The following ATP6V1G2 variants were observed in gnomAD, a reference collection of about 807,000 sequenced individuals.
ATP6V1G2 encodes ATPase H+ transporting V1 subunit G2.
A neutral mutation model predicts 17.8 loss-of-function variants in ATP6V1G2; 14 were observed. That is an observed-to-expected ratio of 0.79 (90% CI 0.52 to 1.23). The LOEUF (loss-of-function observed/expected upper bound fraction) is 1.23, where lower values mean the gene tolerates loss of function less well. Among genes scored for constraint, ATP6V1G2 ranks in the 50% most tolerant of loss-of-function variants. The pLI, the probability that ATP6V1G2 is intolerant of heterozygous loss-of-function variation, is 0.00. For missense variants in ATP6V1G2, 112 were observed against 152.2 expected (o/e 0.74, Z 1.39); for synonymous variants, 57 against 54.8 (o/e 1.04, Z -0.17).
chr6:31,546,513 T>C lies in ATP6V1G2; in HGVS notation c.47A>G (p.Lys16Arg). 6.2e-7 allele frequency: 1 copy of C among 1,614,116 alleles called. No homozygotes were observed. The highest frequency in any genetic ancestry group is 1.1e-5 in the South Asian group (1 of 91,076). ...QGIQQLLQAE[K>R]RAAEKVADAR... is the part of the protein sequence containing the mutation. The stretch of plus-strand genomic sequence containing the variant: ...ATCTGCCACCTTCTCAGCTGCCCGC[T>C]TCTCAGCTTGCAGAAGCTGCTGGAT... Residue 16 changes from lysine (K) to arginine (R), a missense_variant, in exon 1 of 3, where the codon AAG becomes AGG. Lys to Arg is a conservative substitution (Grantham distance 26). Transcript: ENST00000303892. This position sits in a 1 kb window ranked among gnomAD's most constrained non-coding sequence, Gnocchi z 4.1.
Position 31,546,413 on chromosome 6 carries a change from A to C in ATP6V1G2, c.82+65T>G. Reference sequence around the variant, plus strand: ...CCCGCCAGCCTTGGGTTTTCCCAAAATGTTTGCTGTCCCCCACCCCCAATT... The same window carrying C: ...CCCGCCAGCCTTGGGTTTTCCCAAACTGTTTGCTGTCCCCCACCCCCAATT... On this transcript the variant is annotated intron_variant, in intron 1 of 2. Transcript: ENST00000303892. This position sits in a 1 kb window ranked among gnomAD's most constrained non-coding sequence, Gnocchi z 4.1. The C allele has an allele frequency of 6.5e-7, 1 of 1,533,556 alleles. No homozygotes were observed. Among genetic ancestry groups the C allele is most frequent in the Non-Finnish European group, 9.0e-7 (1 of 1,116,774 alleles). 95.0% of individuals were successfully genotyped at this position (1,533,556 alleles called of 1,614,324 possible). A position where few individuals can be genotyped will look rare whatever the true frequency, so the allele number is the denominator to read the frequency against.
At chr6:31,546,715 G>T (rs911676163), upstream of ATP6V1G2, 1 of 644,454 alleles carries the variant, frequency 1.6e-6, no homozygotes, top group East Asian at 2.7e-5. The surrounding 1 kb of genome is among the most constrained non-coding windows in gnomAD (Gnocchi z 4.1). Flanking sequence ...CCTGCACCGA[G>T]TGTCTCTCCC....
upstream of ATP6V1G2, chr6:31,546,739 T>G: frequency 1.6e-6 from 1 of 607,446 alleles, no homozygotes; most frequent in Non-Finnish European, 2.9e-6. The surrounding 1 kb of genome is among the most constrained non-coding windows in gnomAD (Gnocchi z 4.1). Flanking sequence ...CTCATCCTCC[T>G]ATTGATGACT....
At position 31,546,562 on chromosome 6, in the gene ATP6V1G2, CTGT is replaced by C; in HGVS notation, c.-6_-4del. 1.2e-6 allele frequency: 2 copies of C among 1,613,608 alleles called. No individual in the cohort carries two copies. Among genetic ancestry groups the C allele is most frequent in the African/African-American group, 1.3e-5 (1 of 75,028 alleles). ...ATACCTTGGGACTGACTGGCCATTT[CTGT>C]TGTTATGGCCGATGCTGTTTTGAAT... is the stretch of plus-strand genomic sequence containing the variant. On this transcript the variant is annotated 5_prime_UTR_variant, in exon 1 of 3. Coordinates refer to ENST00000303892, the MANE Select transcript of ATP6V1G2 (RefSeq NM_130463.4). This position sits in a 1 kb window ranked among gnomAD's most constrained non-coding sequence, Gnocchi z 4.1.
In ATP6V1G2 at chr6:31,545,448, A is replaced by T. The variant is rs1221997326; in HGVS notation, c.317T>A (p.Val106Asp). The change falls in exon 3 of 3, where the codon GTC becomes GAC. Residue 106 changes from valine (V) to aspartate (D), a missense_variant. Transcript: ENST00000303892. This position sits in a 1 kb window ranked among gnomAD's most constrained non-coding sequence, Gnocchi z 4.9. ...LAQLLGMVCD[V>D]RPQVHPNYRI... ...GTAGTTGGGGTGGACCTGGGGCCTG[A>T]CGTCGCAGACCATGCCAAGAAGCTG... The T allele has an allele frequency of 3.7e-6, 6 of 1,614,024 alleles. No individual in the cohort carries two copies. Among genetic ancestry groups the T allele is most frequent in the African/African-American group, 1.3e-5 (1 of 75,034 alleles).
Position 31,545,872 on chromosome 6 carries a change from G to A in ATP6V1G2, c.183+237C>T, listed in dbSNP as rs564462044. On this transcript the variant is annotated intron_variant, in intron 2 of 2. Transcript: ENST00000303892. This position sits in a 1 kb window ranked among gnomAD's most constrained non-coding sequence, Gnocchi z 4.9. ...ACAAATGTTAATCATACTCCACATA[G>A]ATGTTATACTTTACACAGACTGTGG... The A allele has an allele frequency of 8.2e-6, 5 of 613,336 alleles. No individual in the cohort carries two copies. Among genetic ancestry groups the A allele is most frequent in the African/African-American group, 7.4e-5 (4 of 54,180 alleles). 38.0% of individuals were successfully genotyped at this position (613,336 alleles called of 1,614,324 possible).
At position 31,546,473 on chromosome 6, in the gene ATP6V1G2, C is replaced by T. The variant is rs1769002406; in HGVS notation, c.82+5G>A. On this transcript the variant is annotated splice_donor_5th_base_variant and intron_variant, in intron 1 of 2. Coordinates refer to ENST00000303892, the MANE Select transcript of ATP6V1G2 (RefSeq NM_130463.4). This position sits in a 1 kb window ranked among gnomAD's most constrained non-coding sequence, Gnocchi z 4.1. ...AACTCCTAAGGGAGGAAAGAGGAGA[C>T]TCACTCTTTCTGGCATCTGCCACCT... The T allele has an allele frequency of 6.2e-7, 1 of 1,612,522 alleles. No homozygotes were observed. Among genetic ancestry groups the T allele is most frequent in the Non-Finnish European group, 8.5e-7 (1 of 1,178,674 alleles).
upstream of ATP6V1G2, chr6:31,546,703 C>T: frequency 1.5e-6 from 1 of 673,340 alleles, no homozygotes; most frequent in Non-Finnish European, 2.6e-6. This position sits in a 1 kb window ranked among gnomAD's most constrained non-coding sequence, Gnocchi z 4.1. Context: ...CTCACTCAGC[C>T]TCCTGCACCG....
Position 31,544,578 on chromosome 6 carries a change from A to G in ATP6V1G2, c.*830T>C. On this transcript the variant is annotated 3_prime_UTR_variant, in exon 3 of 3. Transcript: ENST00000303892. Reference sequence around the variant, plus strand: ...ATGAGGGAACACAGTATCATTTTAGATCTTAGAAAGCAATGAGCATCTGAT... The same window carrying G: ...ATGAGGGAACACAGTATCATTTTAGGTCTTAGAAAGCAATGAGCATCTGAT... The G allele has an allele frequency of 2.5e-6, 1 of 393,150 alleles. No individual in the cohort carries two copies. Among genetic ancestry groups the G allele is most frequent in the South Asian group, 1.9e-5 (1 of 53,988 alleles). The allele number at this position is 393,150 out of a possible 1,614,324, so 24.4% of individuals were successfully genotyped here.
rs769550824 is a variant in ATP6V1G2 at position 31,545,564 on chromosome 6, C to A, written c.201G>T (p.Gly67=). 5.3e-5 allele frequency: 86 copies of A among 1,613,852 alleles called. No homozygotes were observed. Among genetic ancestry groups the A allele is most frequent in the South Asian group, 2.7e-4 (25 of 91,052 alleles). Residue 67 remains glycine, a synonymous_variant, in exon 3 of 3, where the codon GGG becomes GGT. Transcript: ENST00000303892. This position sits in a 1 kb window ranked among gnomAD's most constrained non-coding sequence, Gnocchi z 4.9. ...SKQQAAMGSQ[G]NLSAEVEQAT... is the part of the protein sequence containing the mutation. ...CCTGCTCCACCTCAGCAGACAGGTT[C>A]CCCTGGGAGCCCATGGCCTGGGGGG...
chr6:31,546,059 G>T lies in ATP6V1G2; in HGVS notation c.183+50C>A. ...GTCACCCTTACACACCTCACTAGAT[G>T]CACCCACCAACTTGCAGTGGGGTCT... On this transcript the variant is annotated intron_variant, in intron 2 of 2. Transcript: ENST00000303892. This position sits in a 1 kb window ranked among gnomAD's most constrained non-coding sequence, Gnocchi z 4.1. 1.3e-6 allele frequency: 2 copies of T among 1,577,384 alleles called. No homozygotes were observed. The highest frequency in any genetic ancestry group is 1.7e-6 in the Non-Finnish European group (2 of 1,146,792).
Position 31,545,249 on chromosome 6 carries a change from G to T in ATP6V1G2, c.*159C>A. 1.2e-6 allele frequency: 1 copy of T among 841,554 alleles called. No homozygotes were observed. Among genetic ancestry groups the T allele is most frequent in the Non-Finnish European group, 1.8e-6 (1 of 547,700 alleles). The allele number at this position is 841,554 out of a possible 1,614,324, so 52.1% of individuals were successfully genotyped here. A position where few individuals can be genotyped will look rare whatever the true frequency, so the allele number is the denominator to read the frequency against. On this transcript the variant is annotated 3_prime_UTR_variant, in exon 3 of 3. Transcript: ENST00000303892. The surrounding 1 kb of genome is among the most constrained non-coding windows in gnomAD (Gnocchi z 4.9). Reference sequence around the variant, plus strand: ...GAACAACAAGGAGATTCAGATGTGAGCAGGATATTTATAAGTGTCACAGGA... The same window carrying T: ...GAACAACAAGGAGATTCAGATGTGATCAGGATATTTATAAGTGTCACAGGA...
chr6:31,546,000 G>T lies in ATP6V1G2; in HGVS notation c.183+109C>A. The T allele has an allele frequency of 1.8e-6, 2 of 1,095,856 alleles. No homozygotes were observed. The highest frequency in any genetic ancestry group is 2.8e-6 in the Non-Finnish European group (2 of 714,732). The allele number at this position is 1,095,856 out of a possible 1,614,324, so 67.9% of individuals were successfully genotyped here. A position where few individuals can be genotyped will look rare whatever the true frequency, so the allele number is the denominator to read the frequency against. ...TGTGGTCCCTGCCAGGGTCCCCTCA[G>T]CCTCAGCCCTCTGCCACCATATTTT... On this transcript the variant is annotated intron_variant, in intron 2 of 2. Transcript: ENST00000303892. This position sits in a 1 kb window ranked among gnomAD's most constrained non-coding sequence, Gnocchi z 4.9.
rs1768801297 is a variant in ATP6V1G2 at position 31,544,541 on chromosome 6, A to G, written c.*867T>C. On this transcript the variant is annotated 3_prime_UTR_variant, in exon 3 of 3. Transcript: ENST00000303892. Reference sequence around the variant, plus strand: ...GTAAGGTGTCAAGGATATAGAAAGGAAGGGCATGCATATGAGGGAACACAG... The same window carrying G: ...GTAAGGTGTCAAGGATATAGAAAGGGAGGGCATGCATATGAGGGAACACAG... 6.3e-6 allele frequency: 2 copies of G among 317,150 alleles called. No homozygotes were observed. Among genetic ancestry groups the G allele is most frequent in the Non-Finnish European group, 1.3e-5 (2 of 157,182 alleles). The allele number at this position is 317,150 out of a possible 1,614,324, so 19.6% of individuals were successfully genotyped here.
chr6:31,544,716 G>A lies in ATP6V1G2; in HGVS notation c.*692C>T, dbSNP rs1170821466. 1 of 456,600 alleles carries A rather than the reference G, an allele frequency of 2.2e-6. No individual in the cohort carries two copies. Among genetic ancestry groups the A allele is most frequent in the Non-Finnish European group, 4.4e-6 (1 of 226,916 alleles). The allele number at this position is 456,600 out of a possible 1,614,324, so 28.3% of individuals were successfully genotyped here. On this transcript the variant is annotated 3_prime_UTR_variant, in exon 3 of 3. Coordinates refer to ENST00000303892, the MANE Select transcript of ATP6V1G2 (RefSeq NM_130463.4). ...TATCTACCTGGAATTATAAGAGAGG[G>A]GCTAAATGTAGTCATCTCCTCTTTT...
Position 31,546,027 on chromosome 6 carries a change from T to C in ATP6V1G2, c.183+82A>G. 7.2e-7 allele frequency: 1 copy of C among 1,389,506 alleles called. No homozygotes were observed. The highest frequency in any genetic ancestry group is 2.3e-5 in the East Asian group (1 of 43,718). The allele number at this position is 1,389,506 out of a possible 1,614,324, so 86.1% of individuals were successfully genotyped here. On this transcript the variant is annotated intron_variant, in intron 2 of 2. Transcript: ENST00000303892. This position sits in a 1 kb window ranked among gnomAD's most constrained non-coding sequence, Gnocchi z 4.1. ...CTCAGCCCTCTGCCACCATATTTTCTTGTTGAGTCACCCTTACACACCTCA... is the reference window on the plus strand; with the variant it reads ...CTCAGCCCTCTGCCACCATATTTTCCTGTTGAGTCACCCTTACACACCTCA...
chr6:31,545,204 A>C lies in ATP6V1G2; in HGVS notation c.*204T>G. 1 of 657,540 alleles carries C rather than the reference A, an allele frequency of 1.5e-6. No homozygotes were observed. The highest frequency in any genetic ancestry group is 2.5e-6 in the Non-Finnish European group (1 of 392,622). The allele number at this position is 657,540 out of a possible 1,614,324, so 40.7% of individuals were successfully genotyped here. On this transcript the variant is annotated 3_prime_UTR_variant, in exon 3 of 3. Transcript: ENST00000303892. This position sits in a 1 kb window ranked among gnomAD's most constrained non-coding sequence, Gnocchi z 4.9. The stretch of plus-strand genomic sequence containing the variant: ...GGTGAGAATGACTTGGAAGTTTACA[A>C]AGTCCCAGTGAGGGTTAAAGAACAA...
In ATP6V1G2 at chr6:31,546,457, G is replaced by A. The variant is rs1768999981; in HGVS notation, c.82+21C>T. The A allele has an allele frequency of 6.2e-7, 1 of 1,610,244 alleles. No homozygotes were observed. Among genetic ancestry groups the A allele is most frequent in the Non-Finnish European group, 8.5e-7 (1 of 1,176,838 alleles). On this transcript the variant is annotated intron_variant, in intron 1 of 2. Coordinates refer to ENST00000303892, the MANE Select transcript of ATP6V1G2 (RefSeq NM_130463.4). The surrounding 1 kb of genome is among the most constrained non-coding windows in gnomAD (Gnocchi z 4.1). ...CCCAATTTTCTTTCCAAACTCCTAA[G>A]GGAGGAAAGAGGAGACTCACTCTTT...
At position 31,546,328 on chromosome 6, in the gene ATP6V1G2, T is replaced by C; in HGVS notation, c.83-119A>G. ...TTCTCTCAGCCAACCAGGTGCCAGA[T>C]TCTAATATCCATCCATTTCTTCCCT... is the stretch of plus-strand genomic sequence containing the variant. On this transcript the variant is annotated intron_variant, in intron 1 of 2. Transcript: ENST00000303892. This position sits in a 1 kb window ranked among gnomAD's most constrained non-coding sequence, Gnocchi z 4.1. 7.9e-7 allele frequency: 1 copy of C among 1,261,972 alleles called. No individual in the cohort carries two copies. The highest frequency in any genetic ancestry group is 1.1e-6 in the Non-Finnish European group (1 of 879,886). The allele number at this position is 1,261,972 out of a possible 1,614,324, so 78.2% of individuals were successfully genotyped here.
Sources: allele counts gnomAD v4.1 joint callset, GRCh38; gene constraint gnomAD v4.1.1; non-coding constraint Gnocchi (gnomAD v3.1); transcripts MANE v1.5; gene names NCBI Gene and HGNC (gene_info 2026-07-23, HGNC 2026-07-21).